TTC6: variants seen among roughly 807,000 people sequenced by gnomAD.
The protein encoded by TTC6 is tetratricopeptide repeat domain 6, also known as tetratricopeptide repeat protein 6.
A neutral mutation model predicts 210.4 loss-of-function variants in TTC6; 172 were observed. That is an observed-to-expected ratio of 0.82 (90% CI 0.72 to 0.93). TTC6 has a LOEUF of 0.93. Ranked by LOEUF, TTC6 falls within the 40% of genes least tolerant of loss-of-function variation. TTC6 has a pLI of 0.00. For synonymous variants in TTC6, 804 were observed against 819.6 expected (o/e 0.98, Z 0.32); for missense variants, 2,414 against 2,318.1 (o/e 1.04, Z -0.85).
upstream of TTC6, among the ~76,000 whole-genome samples, chr14:37,620,694 T>G (rs1161600996): frequency 1.3e-5 from 2 of 152,230 alleles, no homozygotes; most frequent in Non-Finnish European, 2.9e-5. Context: ...ATAACAAAAT[T>G]TGTCCTCTTT....
intron 4 of TTC6, among the ~76,000 whole-genome samples, chr14:37,697,264 ATTT>A (rs2095816677): frequency 6.6e-6 from 1 of 152,070 alleles, no homozygotes; most frequent in Non-Finnish European, 1.5e-5. Flanking sequence ...AGATGGCATT[ATTT>A]TTCTCTACCA....
chr14:37,824,658 AT>A (rs2096166203), intron 27 of TTC6, among the ~76,000 whole-genome samples: 1 of 152,170 alleles, frequency 6.6e-6, no homozygotes, highest in Non-Finnish European at 1.5e-5. Context: ...TATAATCATG[AT>A]AAGTGCAACA....
intron 14 of TTC6, among the ~76,000 whole-genome samples, chr14:37,757,324 G>C (rs1052376546): frequency 1.1e-4 from 17 of 152,002 alleles, no homozygotes; most frequent in Admixed American, 3.9e-4. Context: ...GCAGTGGCTC[G>C]ATCTTGGTTC....
intron 1 of TTC6, among the ~76,000 whole-genome samples, chr14:37,663,545 T>C (rs2095741694): frequency 6.6e-6 from 1 of 152,152 alleles, no homozygotes; most frequent in Non-Finnish European, 1.5e-5. Context: ...TAATTTGAAG[T>C]GTTCATCCCC....
At chr14:37,774,554 G>A (rs2096031182) in intron 14 of TTC6, among the ~76,000 whole-genome samples, 2 of 152,202 alleles carry the variant, frequency 1.3e-5, no homozygotes, top group African/African-American at 4.8e-5. Context: ...ATTTGCACGT[G>A]TGTAAACAAC....
intron 14 of TTC6, among the ~76,000 whole-genome samples, chr14:37,761,306 G>T (rs1177293073): frequency 6.6e-6 from 1 of 151,682 alleles, no homozygotes; most frequent in African/African-American, 2.4e-5. Context: ...CCCTGCTTCT[G>T]CTTGCCTTCT....
At chr14:37,684,373 G>C (rs2095790034) in intron 3 of TTC6, among the ~76,000 whole-genome samples, 1 of 152,144 alleles carries the variant, frequency 6.6e-6, no homozygotes, top group Non-Finnish European at 1.5e-5. Context: ...TAGTTGACCA[G>C]AGGAAATCCA....
At chr14:37,839,700 T>C (rs1339203796) in intron 29 of TTC6, among the ~76,000 whole-genome samples, 1 of 152,234 alleles carries the variant, frequency 6.6e-6, no homozygotes, top group African/African-American at 2.4e-5. Flanking sequence ...GCTTTTGGTG[T>C]TTTAGTCATG....
At chr14:37,816,256 G>C (rs990961736) in intron 25 of TTC6, among the ~76,000 whole-genome samples, 16 of 152,158 alleles carry the variant, frequency 1.1e-4, no homozygotes, top group African/African-American at 3.4e-4. Flanking sequence ...TGAGTGCTCA[G>C]ATTAACCTTA....
chr14:37,806,968 A>G (rs1195674614), intron 22 of TTC6, among the ~76,000 whole-genome samples: 2 of 152,168 alleles, frequency 1.3e-5, no homozygotes, highest in Non-Finnish European at 1.5e-5. Context: ...TGGATATATA[A>G]TGGCAGTGTG....
At chr14:37,637,435 A>G (rs1393872269) in intron 1 of TTC6, among the ~76,000 whole-genome samples, 1 of 152,200 alleles carries the variant, frequency 6.6e-6, no homozygotes, top group Non-Finnish European at 1.5e-5. Flanking sequence ...GGTATCTTGA[A>G]TTTATAAAGA....
At chr14:37,658,528 C>T (rs2095729830) in intron 1 of TTC6, among the ~76,000 whole-genome samples, 1 of 152,122 alleles carries the variant, frequency 6.6e-6, no homozygotes, top group South Asian at 2.1e-4. Flanking sequence ...GAATAATGTA[C>T]ACACATGGAT....
At chr14:37,834,652 A>G (rs2139033156) in intron 29 of TTC6, among the ~76,000 whole-genome samples, 1 of 152,088 alleles carries the variant, frequency 6.6e-6, no homozygotes, top group Admixed American at 6.5e-5. Flanking sequence ...AATATTTTGA[A>G]TTCTTTTTCA....
intron 1 of TTC6, among the ~76,000 whole-genome samples, chr14:37,672,804 C>T (rs1377851452): frequency 7.1e-6 from 1 of 141,788 alleles, no homozygotes; most frequent in Non-Finnish European, 1.5e-5. Flanking sequence ...TTTAAGCAAG[C>T]TTTTCATGAA....
rs190299662 is a variant in TTC6, at chr14:37,692,916, A to G, written c.1258-3801A>G. On this transcript the variant is annotated intron_variant, in intron 3 of 30. Transcript: ENST00000553443. ...ATAAATAAATAAATCCCAAAACCAC[A>G]TATGACAGACTCACAGCTAGTATCA... 6.0e-3 allele frequency among the ~76,000 whole-genome samples: 905 copies of G among 152,002 alleles called. 11 individuals are homozygous for G. The highest frequency in any genetic ancestry group is 9.2e-3 in the Non-Finnish European group (628 of 67,976).
chr14:37,710,637 C>T (rs977983426), intron 5 of TTC6, among the ~76,000 whole-genome samples: 2 of 152,154 alleles, frequency 1.3e-5, no homozygotes, highest in African/African-American at 4.8e-5. Flanking sequence ...CTGAAAAACT[C>T]AATCACTGTT....
At chr14:37,658,985 CCTTT>C (rs2095731071) in intron 1 of TTC6, among the ~76,000 whole-genome samples, 1 of 152,072 alleles carries the variant, frequency 6.6e-6, no homozygotes, top group Admixed American at 6.5e-5. Flanking sequence ...TGAGTTCCTT[CCTTT>C]GTGTAATTTA....
intron 24 of TTC6, among the ~76,000 whole-genome samples, chr14:37,810,227 G>A (rs1193808832): frequency 6.6e-6 from 1 of 152,112 alleles, no homozygotes; most frequent in African/African-American, 2.4e-5. Context: ...TTATTAGAGT[G>A]ACCTACACAA....
At chr14:37,615,659 T>G (rs1285424045) in intron 2 of TTC6, among the ~76,000 whole-genome samples, 2 of 152,168 alleles carry the variant, frequency 1.3e-5, no homozygotes, top group Non-Finnish European at 2.9e-5. Flanking sequence ...TCTAGCATAT[T>G]TTCCTTTACT....
Sources: allele counts gnomAD v4.1 joint callset (sites outside exome capture counted in the v4.1 genomes callset), GRCh38; gene constraint gnomAD v4.1.1; transcripts MANE v1.5; gene names NCBI Gene and HGNC (gene_info 2026-07-23, HGNC 2026-07-21).